FOCAD: variants seen among roughly 807,000 people sequenced by gnomAD.
FOCAD encodes focadhesin, also known as KIAA1797.
Under a neutral mutation model 225.6 loss-of-function variants are expected in FOCAD, and 198 were observed. The ratio of observed to expected loss-of-function variants is 0.88; its 90% CI spans 0.78 to 0.99. The LOEUF is 0.99. Among genes scored for constraint, FOCAD ranks in the 50% least tolerant of loss-of-function variants. FOCAD has a pLI of 0.00. For missense variants in FOCAD, 2,713 were observed against 2,123.6 expected (o/e 1.28, Z -5.46); for synonymous variants, 897 against 755.0 (o/e 1.19, Z -3.08).
intron 40 of FOCAD, 32 bp from the exon 41 acceptor site, chr9:20,988,300 G>A (rs765193579): frequency 2.2e-6 from 3 of 1,341,792 alleles, no homozygotes; most frequent in South Asian, 2.4e-5. Flanking sequence ...GGAAAACCAT[G>A]GTCTAGTAAG....
At chr9:20,809,354 T>G (rs534860461) in intron 11 of FOCAD, among the ~76,000 whole-genome samples, 1 of 152,282 alleles carries the variant, frequency 6.6e-6, no homozygotes, top group African/African-American at 2.4e-5. Context: ...TATTAAGCCC[T>G]TGAAATTTGG....
At chr9:20,783,100 G>T (rs1204503256) in intron 10 of FOCAD, among the ~76,000 whole-genome samples, 1 of 152,090 alleles carries the variant, frequency 6.6e-6, no homozygotes, top group Non-Finnish European at 1.5e-5. Flanking sequence ...GCAAGAGTTG[G>T]CAGGGCAAGA....
intron 2 of FOCAD, among the ~76,000 whole-genome samples, chr9:20,674,081 A>G (rs1476196127): frequency 6.6e-6 from 1 of 152,208 alleles, no homozygotes; most frequent in African/African-American, 2.4e-5. Context: ...GTTTGTCACA[A>G]GAGCCAATTG....
At chr9:20,982,268 G>A in intron 38 of FOCAD, 89 bp from the exon 39 acceptor site, 2 of 918,682 alleles carry the variant, frequency 2.2e-6, no homozygotes, top group Non-Finnish European at 3.4e-6. Flanking sequence ...TGCTGTTCAT[G>A]GGGATAAGAA....
chr9:20,681,286 G>A (rs1250703713), upstream of FOCAD, among the ~76,000 whole-genome samples: 5 of 151,996 alleles, frequency 3.3e-5, no homozygotes, highest in African/African-American at 7.3e-5. Context: ...GAGATGGGGC[G>A]GGGGCCCTCA....
In FOCAD at chr9:20,765,049, T is replaced by C. The variant is rs1394217287; in HGVS notation, c.675T>C (p.Cys225=). 6 of 1,613,726 alleles carry C rather than the reference T, an allele frequency of 3.7e-6. No individual in the cohort carries two copies. The highest frequency in any genetic ancestry group is 5.1e-6 in the Non-Finnish European group (6 of 1,179,872). ...TGGAACAGCAGATACTTCAACTGTG[T>C]TGTGACATAGTTCCATGTTTGCAGG... ...SILEQQILQL[C]CDIVPCLQVK... The change falls in exon 7 of 44, where the codon TGT becomes TGC. Residue 225 remains cysteine (C), a synonymous_variant. Transcript: ENST00000338382.
intron 15 of FOCAD, among the ~76,000 whole-genome samples, chr9:20,828,800 C>G (rs541158125): frequency 6.6e-6 from 1 of 152,188 alleles, no homozygotes; most frequent in Non-Finnish European, 1.5e-5. Context: ...AACCCCTCCC[C>G]TGACAGTTCT....
At chr9:20,719,778 CTTTTTTTT>C (rs34384301) in intron 3 of FOCAD, among the ~76,000 whole-genome samples, 1 of 62,128 alleles carries the variant, frequency 1.6e-5, no homozygotes, top group East Asian at 5.2e-4. Context: ...TTTTCCTAGG[CTTTTTTTT>C]TTTTTTTTTT....
rs140996510 is a variant in FOCAD, at chr9:20,705,761, T to G, written c.-32-9561T>G. On this transcript the variant is annotated intron_variant, in intron 1 of 43. Transcript: ENST00000338382. ...GTCAACTTTGAAGATTTAGATTGGA[T>G]GCTGAAAAAATTCTAGAGATTCATA... 7.5e-4 allele frequency among the ~76,000 whole-genome samples: 113 copies of G among 151,620 alleles called. 1 individual carries two copies. The East Asian group carries it at 0.021, about 28-fold the overall frequency.
intron 16 of FOCAD, chr9:20,863,645 A>G (rs571106751): frequency 6.6e-5 from 10 of 152,104 alleles, no homozygotes; most frequent in South Asian, 2.1e-4. Flanking sequence ...AAAAGAATCA[A>G]TTTGTGACTG....
chr9:20,790,784 A>C (rs1168778784), intron 11 of FOCAD, among the ~76,000 whole-genome samples: 1 of 152,098 alleles, frequency 6.6e-6, no homozygotes, highest in Non-Finnish European at 1.5e-5. Flanking sequence ...AAACAAAAAA[A>C]CAAAACAGAT....
chr9:20,717,896 C>T (rs769752089), intron 3 of FOCAD, 28 bp downstream of exon 3: 1 of 1,566,484 alleles, frequency 6.4e-7, no homozygotes, highest in African/African-American at 1.3e-5. Flanking sequence ...TGCTTTAATT[C>T]TCTTCAGATA....
Position 20,926,364 on chromosome 9 carries a change from A to G in FOCAD, c.3025A>G (p.Ile1009Val). Residue 1009 changes from isoleucine to valine, a missense_variant, in exon 26 of 44, where the codon ATT (isoleucine) becomes GTT (valine). By Grantham distance (29) the Ile-to-Val change is conservative (BLOSUM62 3). Transcript: ENST00000338382. ...CATGGTACTTGATACACTCTTGGTCATTGTGGATAGCCATTACCAACCCAG... is the reference window on the plus strand; with the variant it reads ...CATGGTACTTGATACACTCTTGGTCGTTGTGGATAGCCATTACCAACCCAG... Reference protein sequence around the residue: ...VSMVLDTLLVIVDSHYQPRGQ... With the variant: ...VSMVLDTLLVVVDSHYQPRGQ... The G allele has an allele frequency of 1.2e-6, 2 of 1,613,828 alleles. No homozygotes were observed. Among genetic ancestry groups the G allele is most frequent in the Non-Finnish European group, 1.7e-6 (2 of 1,179,792 alleles).
intron 18 of FOCAD, among the ~76,000 whole-genome samples, chr9:20,873,411 T>TG (rs1266393269): frequency 6.6e-6 from 1 of 152,188 alleles, no homozygotes; most frequent in African/African-American, 2.4e-5. Flanking sequence ...AAAACCCTCC[T>TG]GGTCAGAATC....
At chr9:20,809,833 CT>C (rs1195498801) in intron 11 of FOCAD, among the ~76,000 whole-genome samples, 2 of 149,104 alleles carry the variant, frequency 1.3e-5, no homozygotes, top group African/African-American at 5.0e-5. Context: ...TTTTTGATGG[CT>C]GGATATGTAA....
At chr9:20,938,710 C>T (rs1009448190) in intron 28 of FOCAD, among the ~76,000 whole-genome samples, 4 of 151,002 alleles carry the variant, frequency 2.6e-5, no homozygotes, top group African/African-American at 9.8e-5. Flanking sequence ...GCACATGTAC[C>T]CTAAAACTTA....
chr9:20,791,859 A>G (rs947178313), intron 11 of FOCAD, among the ~76,000 whole-genome samples: 4 of 152,206 alleles, frequency 2.6e-5, no homozygotes, highest in African/African-American at 2.4e-5. Flanking sequence ...TACTCATCAT[A>G]GAAGTGGAAA....
intron 23 of FOCAD, among the ~76,000 whole-genome samples, chr9:20,916,443 G>A (rs1231637989): frequency 2.0e-5 from 3 of 152,146 alleles, no homozygotes; most frequent in Non-Finnish European, 4.4e-5. Context: ...GTAAATTGAT[G>A]TTTTGGTGAG....
chr9:20,926,289 A>T lies in FOCAD; in HGVS notation c.2962-12A>T, dbSNP rs373058579. ...TCTCTGTAATCATTTCATGTTTTTA[A>T]TTCATCTGCAGGTTCAACCTAATTT... is the stretch of plus-strand genomic sequence containing the variant. On this transcript the variant is annotated splice_polypyrimidine_tract_variant and intron_variant, in intron 25 of 43. Transcript: ENST00000338382. 2.8e-6 allele frequency: 4 copies of T among 1,431,040 alleles called. No individual in the cohort carries two copies. The Admixed American group carries it at 6.8e-5, about 24-fold the overall frequency. The allele number at this position is 1,431,040 out of a possible 1,614,324, so 88.6% of individuals were successfully genotyped here. A position where few individuals can be genotyped will look rare whatever the true frequency, so the allele number is the denominator to read the frequency against.
Sources: gnomAD v4.1 joint callset for allele counts (sites outside exome capture counted in the v4.1 genomes callset) on GRCh38, gnomAD v4.1.1 for gene constraint, MANE v1.5 for transcripts, NCBI Gene and HGNC (gene_info 2026-07-23, HGNC 2026-07-21) for gene names.